The following SLC23A1 variants were observed in gnomAD, a reference collection of about 807,000 sequenced individuals.
The protein encoded by SLC23A1 is solute carrier family 23 member 1.
Under a neutral mutation model 62.5 loss-of-function variants are expected in SLC23A1, and 31 were observed. That is an observed-to-expected ratio of 0.50 (90% CI 0.37 to 0.67). The LOEUF (loss-of-function observed/expected upper bound fraction) is 0.67. Ranked by LOEUF, SLC23A1 falls within the 30% of genes least tolerant of loss-of-function variation. SLC23A1 has a pLI of 0.00. For synonymous variants in SLC23A1, 271 were observed against 313.2 expected, an observed-to-expected ratio of 0.87 and a Z score of 1.42; for missense variants, 640 against 782.7, an observed-to-expected ratio of 0.82 and a Z score of 2.18.
chr5:139,373,810 A>G (rs1385422383), intron 13 of SLC23A1, among the ~76,000 whole-genome samples: 3 of 152,190 alleles, frequency 2.0e-5, no homozygotes, highest in Non-Finnish European at 4.4e-5. Flanking sequence ...TACAAAGGGC[A>G]CACACAGTGG....
Position 139,379,681 on chromosome 5 carries a change from G to C in SLC23A1, c.922C>G (p.Pro308Ala). 6.2e-7 allele frequency: 1 copy of C among 1,611,626 alleles called. No homozygotes were observed. Among genetic ancestry groups the C allele is most frequent in the South Asian group, 1.1e-5 (1 of 90,608 alleles). The change falls in exon 8 of 15, where the codon CCC (proline) becomes GCC (alanine). Residue 308 changes from proline (P) to alanine (A), a missense_variant. Physicochemically the swap from Pro to Ala is conservative, Grantham distance 27. Coordinates refer to ENST00000348729, the MANE Select transcript of SLC23A1 (RefSeq NM_005847.5). This position sits in a 1 kb window ranked among gnomAD's most constrained non-coding sequence, Gnocchi z 4.7. ...GGGCCCAAGGGGTGTTGCTCACAGG[G>C]GTAGGGGATGCGGATCCAGGGTGCA... ...AIAPWIRIPY[P>A]CQWGLPTVTA...
intron 4 of SLC23A1, 40 bp from the exon 5 acceptor site, chr5:139,380,672 A>G (rs761760204): frequency 6.5e-7 from 1 of 1,543,680 alleles, no homozygotes; most frequent in Non-Finnish European, 9.0e-7. Flanking sequence ...GACCAGGTAC[A>G]GAGACAGAGA....
Position 139,378,953 on chromosome 5 carries a change from C to A in SLC23A1, c.1073+254G>T, listed in dbSNP as rs1227299842. On this transcript the variant is annotated intron_variant, in intron 9 of 14. Coordinates refer to ENST00000348729, the MANE Select transcript of SLC23A1 (RefSeq NM_005847.5). This position sits in a 1 kb window ranked among gnomAD's most constrained non-coding sequence, Gnocchi z 4.5. The stretch of plus-strand genomic sequence containing the variant: ...ATGCTTCAAAGATTGCATAAGAATG[C>A]ACAGTCAGAGCCGGGCACATGGAGG... 6.6e-6 allele frequency among the ~76,000 whole-genome samples: 1 copy of A among 152,214 alleles called. No individual in the cohort carries two copies. Among genetic ancestry groups the A allele is most frequent in the Non-Finnish European group, 1.5e-5 (1 of 68,036 alleles).
rs900033634 is a variant in SLC23A1 at position 139,379,899 on chromosome 5, C to T, written c.768+57G>A. The stretch of plus-strand genomic sequence containing the variant: ...GTCTCTGTCCAGGCTAACCTGCTCC[C>T]ACCTCAGCCCAAGCCCTGGCCATAG... On this transcript the variant is annotated intron_variant, in intron 7 of 14. Coordinates refer to ENST00000348729, the MANE Select transcript of SLC23A1 (RefSeq NM_005847.5). The surrounding 1 kb of genome is among the most constrained non-coding windows in gnomAD (Gnocchi z 4.7). 4.3e-6 allele frequency: 7 copies of T among 1,613,824 alleles called. No homozygotes were observed. The African/African-American group carries it at 9.3e-5, about 22-fold the overall frequency.
At chr5:139,369,175 CAT>C (rs1209295774) in intron 14 of SLC23A1, 1 of 158,758 alleles carries the variant, frequency 6.3e-6, no homozygotes, top group Non-Finnish European at 1.4e-5. Context: ...AACTGTTAAG[CAT>C]ATTTCTCAGA....
chr5:139,378,592 A>ATGTT lies in SLC23A1; in HGVS notation c.1165_1166insAACA (p.Leu389GlnfsTer38), dbSNP rs1758070300. 6.2e-7 allele frequency: 1 copy of ATGTT among 1,607,602 alleles called. No homozygotes were observed. Among genetic ancestry groups the ATGTT allele is most frequent in the Non-Finnish European group, 8.5e-7 (1 of 1,177,234 alleles). On this transcript the variant is annotated frameshift_variant, in exon 10 of 15. Transcript: ENST00000348729. LOFTEE classifies it high-confidence loss of function. The surrounding 1 kb of genome is among the most constrained non-coding windows in gnomAD (Gnocchi z 4.5). ...TCGTCGCGACACCTTGGTAATTCCC[A>ATGTT]GGACGCCAATGTTGGGACTGGACGA... is the stretch of plus-strand genomic sequence containing the variant.
chr5:139,381,417 G>A (rs1400791921), intron 3 of SLC23A1, among the ~76,000 whole-genome samples: 1 of 152,092 alleles, frequency 6.6e-6, no homozygotes, highest in African/African-American at 2.4e-5. Context: ...ACTTTGGGAG[G>A]CCAAGGTGGG....
rs557422090 is a variant in SLC23A1 at position 139,375,220 on chromosome 5, T to C, written c.1549+2182A>G. ...ATCATCTTGCTACTACCATCCCTTA[T>C]GTCCCTATACTGATGCAGTCATTAA... On this transcript the variant is annotated intron_variant, in intron 13 of 14. Coordinates refer to ENST00000348729, the MANE Select transcript of SLC23A1 (RefSeq NM_005847.5). 2.0e-4 allele frequency among the ~76,000 whole-genome samples: 31 copies of C among 152,328 alleles called. No homozygotes were observed. In the South Asian group the frequency reaches 2.7e-3, roughly 13 times the overall value.
At chr5:139,376,086 G>A (rs1757931595) in intron 13 of SLC23A1, among the ~76,000 whole-genome samples, 1 of 152,136 alleles carries the variant, frequency 6.6e-6, no homozygotes, top group Non-Finnish European at 1.5e-5. Flanking sequence ...AGGCTGTAGT[G>A]AGCTATGATT....
chr5:139,371,985 A>G lies in SLC23A1; in HGVS notation c.*19+2T>C. On this transcript the variant is annotated splice_donor_variant, in intron 14 of 14. Transcript: ENST00000348729. LOFTEE classifies it low-confidence loss of function (3UTR_SPLICE). The stretch of plus-strand genomic sequence containing the variant: ...CCCACAAAAACCATAGACACATCCT[A>G]CCTTTCCTGGAAGTCATTTTTCAGA... 6.2e-7 allele frequency: 1 copy of G among 1,610,292 alleles called. No individual in the cohort carries two copies. Among genetic ancestry groups the G allele is most frequent in the Non-Finnish European group, 8.5e-7 (1 of 1,177,066 alleles).
intron 1 of SLC23A1, 31 bp from the exon 2 acceptor site, chr5:139,382,636 T>G: frequency 7.2e-7 from 1 of 1,392,574 alleles, no homozygotes; most frequent in Non-Finnish European, 1.0e-6. Context: ...TAGCTTAGGG[T>G]GAAGTGATGG....
At chr5:139,368,552 T>G (rs1757441609) in intron 14 of SLC23A1, among the ~76,000 whole-genome samples, 1 of 151,970 alleles carries the variant, frequency 6.6e-6, no homozygotes, top group South Asian at 2.1e-4. Context: ...AAAAAGTTGA[T>G]GTAATTTAAT....
At chr5:139,368,062 G>A (rs967759203) in intron 14 of SLC23A1, among the ~76,000 whole-genome samples, 1 of 152,184 alleles carries the variant, frequency 6.6e-6, no homozygotes, top group East Asian at 1.9e-4. Flanking sequence ...TAGGCCGGGC[G>A]CGGTGGCTTA....
At position 139,382,552 on chromosome 5, in the gene SLC23A1, G is replaced by A; in HGVS notation, c.90C>T (p.Asp30=). Residue 30 remains aspartate (D), a synonymous_variant, in exon 2 of 15, where the codon GAC becomes GAT. Transcript: ENST00000348729. ...GCACGTCCTCGATCTTGTACAACAT[G>A]TCAAACTTAGGCTCTGTGGGTAGCG... ...STPLPTEPKF[D]MLYKIEDVPP... 6.2e-7 allele frequency: 1 copy of A among 1,613,574 alleles called. No individual in the cohort carries two copies. Among genetic ancestry groups the A allele is most frequent in the Non-Finnish European group, 8.5e-7 (1 of 1,179,742 alleles).
In SLC23A1 at chr5:139,382,041, C is replaced by T. The variant is rs1758296714; in HGVS notation, c.159G>A (p.Leu53=). ...LCILLGFQHY[L]TCFSGTIAVP... is the part of the protein sequence containing the mutation. ...CGGCGATGGTACCACTGAAGCATGT[C>T]AGGTAGTGCTGGGCAGAGGGAGACA... Residue 53 remains leucine (L), a synonymous_variant, in exon 3 of 15, where the codon CTG becomes CTA. Transcript: ENST00000348729. The T allele has an allele frequency of 1.2e-6, 2 of 1,608,622 alleles. No homozygotes were observed. The highest frequency in any genetic ancestry group is 1.7e-5 in the Admixed American group (1 of 59,276).
At chr5:139,373,481 G>C (rs963190852) in intron 13 of SLC23A1, among the ~76,000 whole-genome samples, 1 of 152,182 alleles carries the variant, frequency 6.6e-6, no homozygotes, top group African/African-American at 2.4e-5. Context: ...AGCCGGGCTA[G>C]TAATTTTTAC....
intron 14 of SLC23A1, among the ~76,000 whole-genome samples, chr5:139,369,965 A>G (rs1165070393): frequency 2.0e-5 from 3 of 152,246 alleles, no homozygotes; most frequent in Non-Finnish European, 4.4e-5. Flanking sequence ...TAGTCATGTA[A>G]GAAACTTTAT....
intron 14 of SLC23A1, among the ~76,000 whole-genome samples, chr5:139,371,615 A>G (rs903394834): frequency 6.6e-6 from 1 of 152,236 alleles, no homozygotes; most frequent in Admixed American, 6.5e-5. Flanking sequence ...TCCATGTCGC[A>G]TATCAAAGTG....
chr5:139,372,370 TG>T, intron 13 of SLC23A1, 117 bp from the exon 14 acceptor site: 1 of 1,022,814 alleles, frequency 9.8e-7, no homozygotes, highest in South Asian at 1.6e-5. Flanking sequence ...AACTATCATT[TG>T]GTCCTAAAAC....
Sources: allele counts gnomAD v4.1 joint callset (sites outside exome capture counted in the v4.1 genomes callset), GRCh38; gene constraint gnomAD v4.1.1; non-coding constraint Gnocchi (gnomAD v3.1); transcripts MANE v1.5; gene names NCBI Gene and HGNC (gene_info 2026-07-23, HGNC 2026-07-21).